Variants in LSM12 observed in about 807,000 individuals in gnomAD.
The protein encoded by LSM12 is protein LSM12.
For synonymous variants in LSM12, 74 were observed against 87.3 expected (o/e 0.85, Z 0.85); for missense variants, 108 against 238.9 (o/e 0.45, Z 3.61).
chr17:44,062,743 C>T (rs1441668356), intron 2 of LSM12, among the ~76,000 whole-genome samples: 1 of 151,910 alleles, frequency 6.6e-6, no homozygotes, highest in Non-Finnish European at 1.5e-5. Context: ...AAAAATTGAG[C>T]CAGGAGCAGT....
intron 2 of LSM12, among the ~76,000 whole-genome samples, chr17:44,043,048 C>A (rs919570065): frequency 3.9e-5 from 6 of 152,180 alleles, no homozygotes; most frequent in Non-Finnish European, 7.3e-5. Flanking sequence ...GTGTCTAATT[C>A]TTTGTTTATA....
chr17:44,046,366 T>C (rs1419277478), intron 2 of LSM12, among the ~76,000 whole-genome samples: 1 of 152,110 alleles, frequency 6.6e-6, no homozygotes, highest in East Asian at 1.9e-4. Context: ...TAAGTGTATG[T>C]TTAATTTTTA....
upstream of LSM12, among the ~76,000 whole-genome samples, chr17:44,067,214 C>A (rs1425666456): frequency 6.6e-6 from 1 of 152,258 alleles, no homozygotes; most frequent in Non-Finnish European, 1.5e-5. Context: ...GCTGGAGGAT[C>A]TCTTGAACCT....
chr17:44,052,229 C>T (rs923627320), intron 2 of LSM12, among the ~76,000 whole-genome samples: 7 of 150,774 alleles, frequency 4.6e-5, no homozygotes, highest in African/African-American at 1.7e-4. Context: ...AAGCAAGTCC[C>T]TATCTCTAAA....
At chr17:44,058,373 T>G (rs2049748851) in intron 2 of LSM12, among the ~76,000 whole-genome samples, 1 of 152,156 alleles carries the variant, frequency 6.6e-6, no homozygotes, top group African/African-American at 2.4e-5. Context: ...ACCCTGCCCC[T>G]GACCACAGAA....
Position 44,036,236 on chromosome 17 carries a change from G to A in LSM12, c.560C>T (p.Pro187Leu). 1 of 1,613,284 alleles carries A rather than the reference G, an allele frequency of 6.2e-7. No homozygotes were observed. Among genetic ancestry groups the A allele is most frequent in the Non-Finnish European group, 8.5e-7 (1 of 1,179,876 alleles). ...GGATGACAGGGCAGCCTCCTTCTGT[G>A]GTTGCTGGGCTTGTGAACGTTGCAG... ...KILQRSQAQQ[P>L]QKEAALSS The change falls in exon 5 of 5, where the codon CCA becomes CTA. Residue 187 changes from proline (P) to leucine (L), a missense_variant. Coordinates refer to ENST00000293406, the MANE Select transcript of LSM12 (RefSeq NM_001371445.1).
At chr17:44,052,361 G>C (rs1160720938) in intron 2 of LSM12, among the ~76,000 whole-genome samples, 1 of 152,034 alleles carries the variant, frequency 6.6e-6, no homozygotes, top group Admixed American at 6.6e-5. Flanking sequence ...GCATGCACCT[G>C]TAGTCTCAGC....
intron 1 of LSM12, among the ~76,000 whole-genome samples, chr17:44,064,657 C>CGGGA (rs1473694212): frequency 1.3e-5 from 2 of 149,506 alleles, no homozygotes; most frequent in Admixed American, 1.3e-4. Flanking sequence ...CACTTGAACA[C>CGGGA]GGGAGGCGGA....
At chr17:44,064,470 C>T (rs2049842036) in intron 1 of LSM12, among the ~76,000 whole-genome samples, 1 of 152,158 alleles carries the variant, frequency 6.6e-6, no homozygotes, top group Non-Finnish European at 1.5e-5. Flanking sequence ...TGATGGCTCA[C>T]GCCTGTAATC....
intron 2 of LSM12, among the ~76,000 whole-genome samples, chr17:44,062,380 G>A (rs1253721623): frequency 6.6e-6 from 1 of 152,180 alleles, no homozygotes; most frequent in Admixed American, 6.5e-5. Context: ...GGTACTATGA[G>A]AGAGAATAAT....
rs1438081605 is a variant in LSM12, at chr17:44,037,468, G to C, written c.439C>G (p.Gln147Glu). ...MEEVVITPPY[Q>E]VENCKGKEGS... is the part of the protein sequence containing the mutation. The stretch of plus-strand genomic sequence containing the variant: ...TCTTTGCCTTTACAGTTTTCCACTT[G>C]ATATGGGGGTGTAATAACAACTTCT... Residue 147 changes from glutamine to glutamate, a missense_variant, in exon 4 of 5, where the codon CAA becomes GAA. Transcript: ENST00000293406. 6.2e-7 allele frequency: 1 copy of C among 1,611,342 alleles called. No individual in the cohort carries two copies. The highest frequency in any genetic ancestry group is 8.5e-7 in the Non-Finnish European group (1 of 1,178,964).
intron 2 of LSM12, among the ~76,000 whole-genome samples, chr17:44,052,130 T>C (rs1371167200): frequency 6.6e-6 from 1 of 151,514 alleles, no homozygotes. Context: ...AAGTTTAAAT[T>C]AGCCAGGCAC....
intron 2 of LSM12, among the ~76,000 whole-genome samples, chr17:44,057,607 A>C (rs561854623): frequency 6.6e-6 from 1 of 151,274 alleles, no homozygotes; most frequent in East Asian, 2.0e-4. Context: ...CAAAAATACA[A>C]AAATTAGCCA....
chr17:44,066,734 C>T (rs2049886066), upstream of LSM12: 2 of 1,044,036 alleles, frequency 1.9e-6, no homozygotes, highest in Admixed American at 4.5e-5. Flanking sequence ...GGGCGGGATC[C>T]TAGGTGGAGT....
chr17:44,058,446 A>G (rs2049750157), intron 2 of LSM12, among the ~76,000 whole-genome samples: 1 of 151,850 alleles, frequency 6.6e-6, no homozygotes, highest in Non-Finnish European at 1.5e-5. Context: ...TCATACCTGT[A>G]ATTCGAATAC....
At chr17:44,060,062 G>T (rs1024375431) in intron 2 of LSM12, among the ~76,000 whole-genome samples, 1 of 152,216 alleles carries the variant, frequency 6.6e-6, no homozygotes, top group Non-Finnish European at 1.5e-5. Flanking sequence ...CTACTCGGGA[G>T]GCTGAGGCAG....
At chr17:44,050,813 G>A (rs759341103) in intron 2 of LSM12, among the ~76,000 whole-genome samples, 11 of 152,052 alleles carry the variant, frequency 7.2e-5, no homozygotes, top group Non-Finnish European at 1.6e-4. Context: ...GAGCCACCGC[G>A]CCCAGTGTGC....
At chr17:44,048,061 A>G (rs552668296) in intron 2 of LSM12, among the ~76,000 whole-genome samples, 18 of 146,526 alleles carry the variant, frequency 1.2e-4, no homozygotes, top group Middle Eastern at 3.5e-3. Context: ...ACACACACAC[A>G]CACGCAAATA....
In LSM12 at chr17:44,034,520, A is replaced by C. The variant is rs2049395461; in HGVS notation, c.*1688T>G. On this transcript the variant is annotated 3_prime_UTR_variant, in exon 5 of 5. Transcript: ENST00000293406. ...TCTGGATGAGTCCTCGGGGGTGAAA[A>C]GAGAGGGTAAATAGTAGGAAGAAGA... 1 of 152,426 alleles carries C rather than the reference A, an allele frequency of 6.6e-6. No individual in the cohort carries two copies. Among genetic ancestry groups the C allele is most frequent in the African/African-American group, 2.4e-5 (1 of 41,388 alleles). The allele number at this position is 152,426 out of a possible 1,614,324, so 9.4% of individuals were successfully genotyped here. A position where few individuals can be genotyped will look rare whatever the true frequency, so the allele number is the denominator to read the frequency against.
Sources: gnomAD v4.1 joint callset for allele counts (sites outside exome capture counted in the v4.1 genomes callset) on GRCh38, gnomAD v4.1.1 for gene constraint, MANE v1.5 for transcripts, NCBI Gene and HGNC (gene_info 2026-07-23, HGNC 2026-07-21) for gene names.